The following ADGRL3 variants were observed in gnomAD, a reference collection of about 807,000 sequenced individuals.
The protein encoded by ADGRL3 is calcium-independent alpha-latrotoxin receptor 3.
A neutral mutation model predicts 153.5 loss-of-function variants in ADGRL3; 62 were observed. That is an observed-to-expected ratio of 0.40 (90% CI 0.33 to 0.50). ADGRL3 has a LOEUF of 0.50. Ranked by LOEUF, ADGRL3 falls within the 20% of genes least tolerant of loss-of-function variation. The probability of loss-of-function intolerance (pLI) is 0.47; values close to 1 mark genes in which losing one functional copy is unlikely to be tolerated. For synonymous variants in ADGRL3, 710 were observed against 672.5 expected (o/e 1.06, Z -0.86); for missense variants, 1,641 against 1,859.4 (o/e 0.88, Z 2.16).
chr4:61,665,895 C>G (rs2094776714), intron 5 of ADGRL3, among the ~76,000 whole-genome samples: 1 of 152,112 alleles, frequency 6.6e-6, no homozygotes, highest in South Asian at 2.1e-4. Context: ...GAAAGGGGCC[C>G]TTGAGATTTA....
rs543244726 is a variant in ADGRL3 at position 61,579,171 on chromosome 4, G to A, written c.260-8056G>A. The stretch of plus-strand genomic sequence containing the variant: ...CCTAATGTGAAGGGAGACTTCAGAT[G>A]ACACCCATGTCTTATGTGTAATAAT... On this transcript the variant is annotated intron_variant, in intron 4 of 26. Coordinates refer to ENST00000683033, the MANE Select transcript of ADGRL3 (RefSeq NM_001387552.1). Among the ~76,000 whole-genome samples the A allele has an allele frequency of 1.1e-4, 16 of 152,202 alleles. No individual in the cohort carries two copies. In the South Asian group the frequency reaches 3.1e-3, roughly 30 times the overall value.
rs567055349 is a variant in ADGRL3 at position 61,501,467 on chromosome 4, A to G, written c.55+4119A>G. 7.2e-5 allele frequency among the ~76,000 whole-genome samples: 11 copies of G among 152,254 alleles called. No homozygotes were observed. The South Asian group carries it at 2.3e-3, about 32-fold the overall frequency. On this transcript the variant is annotated intron_variant, in intron 3 of 26. Coordinates refer to ENST00000683033, the MANE Select transcript of ADGRL3 (RefSeq NM_001387552.1). ...AACCCCTGAGCACTAGGTAAGGAAA[A>G]TAAGTAATTACTGTTATTCTAACCC...
intron 2 of ADGRL3, among the ~76,000 whole-genome samples, chr4:61,397,967 C>T (rs2096887702): frequency 6.6e-6 from 1 of 151,712 alleles, no homozygotes; most frequent in South Asian, 2.1e-4. Context: ...TGGACAGATG[C>T]TCTGTTGAAA....
intron 1 of ADGRL3, among the ~76,000 whole-genome samples, chr4:61,338,923 T>C (rs2095745060): frequency 6.6e-6 from 1 of 152,206 alleles, no homozygotes; most frequent in Non-Finnish European, 1.5e-5. Context: ...TGTGAAGTAA[T>C]GACATTTCCA....
At chr4:61,371,805 G>C (rs1306415655) in intron 1 of ADGRL3, among the ~76,000 whole-genome samples, 1 of 151,998 alleles carries the variant, frequency 6.6e-6, no homozygotes, top group Non-Finnish European at 1.5e-5. Flanking sequence ...AAATTCTCCT[G>C]GATAATATCC....
At chr4:61,550,988 G>A (rs2098737671) in intron 4 of ADGRL3, among the ~76,000 whole-genome samples, 1 of 152,068 alleles carries the variant, frequency 6.6e-6, no homozygotes, top group Non-Finnish European at 1.5e-5. Context: ...TTCTCTGTCA[G>A]CTTGTATGTG....
chr4:61,641,665 T>A (rs1311008594), intron 5 of ADGRL3, among the ~76,000 whole-genome samples: 5 of 151,982 alleles, frequency 3.3e-5, no homozygotes, highest in African/African-American at 1.2e-4. Context: ...ATGTGCCACA[T>A]TTTCTTAATC....
chr4:61,505,297 G>T (rs1015720164), intron 3 of ADGRL3, among the ~76,000 whole-genome samples: 2 of 152,046 alleles, frequency 1.3e-5, no homozygotes, highest in Non-Finnish European at 2.9e-5. Flanking sequence ...AAATCAGATT[G>T]ATTTTTTTCC....
At position 61,856,586 on chromosome 4, in the gene ADGRL3, T is replaced by TTC. The variant is rs199927400; in HGVS notation, c.1481-36052_1481-36051dup. Among the ~76,000 whole-genome samples, 246 of 78,678 alleles carry TTC rather than the reference T, an allele frequency of 3.1e-3. 8 individuals carry two copies. In the East Asian group the frequency reaches 0.054, roughly 17 times the overall value. The allele number at this position is 78,678 out of a possible 152,430, so 51.6% of individuals were successfully genotyped here. On this transcript the variant is annotated intron_variant, in intron 9 of 26. Coordinates refer to ENST00000683033, the MANE Select transcript of ADGRL3 (RefSeq NM_001387552.1). ...CTCTCTCTCTTTCTCTCTCTCTTTT[T>TTC]TCTCTCTCTCTCTCTCTCTTTTTTT...
chr4:61,518,147 T>C (rs189966945), intron 4 of ADGRL3, among the ~76,000 whole-genome samples: 1 of 152,360 alleles, frequency 6.6e-6, no homozygotes, highest in African/African-American at 2.4e-5. Context: ...ACTTAGTACT[T>C]ACTCTTTTCC....
chr4:61,641,666 T>C (rs1210056489), intron 5 of ADGRL3, among the ~76,000 whole-genome samples: 5 of 152,020 alleles, frequency 3.3e-5, no homozygotes, highest in African/African-American at 1.2e-4. Context: ...TGTGCCACAT[T>C]TTCTTAATCC....
chr4:62,026,810 AAAAC>A (rs564847724), intron 21 of ADGRL3, among the ~76,000 whole-genome samples: 11 of 152,032 alleles, frequency 7.2e-5, no homozygotes, highest in South Asian at 2.1e-4. Flanking sequence ...CCCTGCTACA[AAAAC>A]AAACAAACAA....
intron 1 of ADGRL3, among the ~76,000 whole-genome samples, chr4:61,303,282 C>T (rs1361887485): frequency 6.6e-6 from 1 of 152,160 alleles, no homozygotes; most frequent in Admixed American, 6.5e-5. Context: ...GGGCAAATCA[C>T]TTCATCTTCC....
At position 61,517,017 on chromosome 4, in the gene ADGRL3, CTTACT is replaced by C. The variant is rs1246517094; in HGVS notation, c.56-297_56-293del. 6.0e-5 allele frequency among the ~76,000 whole-genome samples: 9 copies of C among 150,500 alleles called. No individual in the cohort carries two copies. The East Asian group carries it at 1.6e-3, about 26-fold the overall frequency. On this transcript the variant is annotated intron_variant, in intron 3 of 26. Coordinates refer to ENST00000683033, the MANE Select transcript of ADGRL3 (RefSeq NM_001387552.1). ...ATAATATTTATATTTTTTCAGGTAG[CTTACT>C]GTGCTTTCAATAATTATGTCTAATT... is the stretch of plus-strand genomic sequence containing the variant.
At position 61,436,102 on chromosome 4, in the gene ADGRL3, T is replaced by A. The variant is rs189764883; in HGVS notation, c.-174+52913T>A. ...CATTTAAAAACAGTGTTTGCCTATG[T>A]AATACAGAGTTCCTTTTGCAGGCTA... On this transcript the variant is annotated intron_variant, in intron 2 of 26. Coordinates refer to ENST00000683033, the MANE Select transcript of ADGRL3 (RefSeq NM_001387552.1). 3.9e-5 allele frequency among the ~76,000 whole-genome samples: 6 copies of A among 152,330 alleles called. No homozygotes were observed. The East Asian group carries it at 1.2e-3, about 29-fold the overall frequency.
At chr4:61,428,529 TA>T (rs1170691345) in intron 2 of ADGRL3, among the ~76,000 whole-genome samples, 2 of 152,174 alleles carry the variant, frequency 1.3e-5, no homozygotes, top group African/African-American at 4.8e-5. Context: ...GCCAGAAAAT[TA>T]GTTTATATTC....
intron 21 of ADGRL3, among the ~76,000 whole-genome samples, chr4:62,015,070 T>C (rs1419579452): frequency 2.0e-5 from 3 of 152,198 alleles, no homozygotes; most frequent in Non-Finnish European, 2.9e-5. Flanking sequence ...TATTAAATCA[T>C]TGGATTTGTA....
At position 61,750,074 on chromosome 4, in the gene ADGRL3, C is replaced by A. The variant is rs189248310; in HGVS notation, c.1399+16520C>A. 4.0e-3 allele frequency among the ~76,000 whole-genome samples: 588 copies of A among 146,996 alleles called. 6 individuals carry two copies. The highest frequency in any genetic ancestry group is 0.014 in the African/African-American group (554 of 40,274). On this transcript the variant is annotated intron_variant, in intron 8 of 26. Coordinates refer to ENST00000683033, the MANE Select transcript of ADGRL3 (RefSeq NM_001387552.1). ...AGTGGAGCTGAACCGTGCCACTATT[C>A]TATGTTCTGTGGTTGTTACAAGAAA...
intron 6 of ADGRL3, among the ~76,000 whole-genome samples, chr4:61,715,307 C>T (rs1214207111): frequency 1.3e-5 from 2 of 152,106 alleles, no homozygotes; most frequent in Non-Finnish European, 2.9e-5. Context: ...TAAGATTTAT[C>T]TTTTAAAAGC....
Sources: allele counts gnomAD v4.1 joint callset (sites outside exome capture counted in the v4.1 genomes callset), GRCh38; gene constraint gnomAD v4.1.1; transcripts MANE v1.5; gene names NCBI Gene and HGNC (gene_info 2026-07-23, HGNC 2026-07-21).